ANO2: variants seen among roughly 807,000 people sequenced by gnomAD.
The protein encoded by ANO2 is anoctamin-2.
In ANO2, 101 loss-of-function variants were observed where a neutral mutation model predicts 124.2. The observed-to-expected ratio is 0.81, with a 90% CI of 0.69 to 0.96. The LOEUF (loss-of-function observed/expected upper bound fraction) is 0.96, where lower values mean the gene tolerates loss of function less well. Among genes scored for constraint, ANO2 ranks in the 40% least tolerant of loss-of-function variants. The probability of loss-of-function intolerance (pLI) is 0.00; values close to 1 mark genes in which losing one functional copy is unlikely to be tolerated. For synonymous variants in ANO2, 486 were observed against 482.5 expected, an observed-to-expected ratio of 1.01 and a Z score of -0.09; for missense variants, 1,293 against 1,274.5, an observed-to-expected ratio of 1.01 and a Z score of -0.22.
At position 5,636,175 on chromosome 12, in the gene ANO2, C is replaced by G. The variant is rs1432228612; in HGVS notation, c.1621-828G>C. Among the ~76,000 whole-genome samples, 3 of 152,108 alleles carry G rather than the reference C, an allele frequency of 2.0e-5. No individual in the cohort carries two copies. Among genetic ancestry groups the G allele is most frequent in the Non-Finnish European group, 1.5e-5 (1 of 68,018 alleles). On this transcript the variant is annotated intron_variant, in intron 15 of 24. Transcript: ENST00000682330. This position sits in a 1 kb window ranked among gnomAD's most constrained non-coding sequence, Gnocchi z 4.6. ...CCTCTAAGGGTTCCCCTCATTTCCTCTCTCTAGAACCTAAGAATAAGAAGG... is the reference window on the plus strand; with the variant it reads ...CCTCTAAGGGTTCCCCTCATTTCCTGTCTCTAGAACCTAAGAATAAGAAGG...
intron 3 of ANO2, among the ~76,000 whole-genome samples, chr12:5,883,334 C>T (rs1466188696): frequency 1.3e-5 from 2 of 152,278 alleles, no homozygotes; most frequent in Admixed American, 6.5e-5. Context: ...CTAGAGATGC[C>T]TTCTCATAAA....
intron 14 of ANO2, among the ~76,000 whole-genome samples, chr12:5,723,508 TC>T (rs1353867621): frequency 6.6e-6 from 1 of 150,386 alleles, no homozygotes; most frequent in African/African-American, 2.4e-5. Context: ...CTTCTCCTAC[TC>T]ACCCATTTCT....
chr12:5,926,129 C>T (rs534432819), intron 1 of ANO2, among the ~76,000 whole-genome samples: 4 of 152,360 alleles, frequency 2.6e-5, no homozygotes, highest in African/African-American at 4.8e-5. Context: ...AAACAGTCAA[C>T]GAGCTGGAAA....
intron 7 of ANO2, among the ~76,000 whole-genome samples, chr12:5,817,114 T>C (rs373350457): frequency 9.9e-5 from 15 of 152,220 alleles, no homozygotes; most frequent in African/African-American, 3.6e-4. Flanking sequence ...GCAGAGGGCG[T>C]CTAGTCTCTA....
At chr12:5,824,456 C>A (rs1193614655) in intron 7 of ANO2, among the ~76,000 whole-genome samples, 4 of 152,156 alleles carry the variant, frequency 2.6e-5, no homozygotes, top group Non-Finnish European at 4.4e-5. Flanking sequence ...AGTCTCTTTG[C>A]TAAAACATAA....
chr12:5,696,665 G>A (rs570907874), intron 14 of ANO2, among the ~76,000 whole-genome samples: 7 of 152,232 alleles, frequency 4.6e-5, no homozygotes, highest in African/African-American at 1.7e-4. Context: ...GACACAAAAT[G>A]TAAGAAAGAA....
rs551134017 is a variant in ANO2, at chr12:5,873,879, G to A, written c.535-19738C>T. ...CCCCTCCAGGGCTAGTGGCAGCCTC[G>A]CAGTCCTTTAGAGGAGCCTCTCAGC... On this transcript the variant is annotated intron_variant, in intron 3 of 24. Coordinates refer to ENST00000682330, the MANE Select transcript of ANO2 (RefSeq NM_001364791.2). 5.9e-5 allele frequency among the ~76,000 whole-genome samples: 9 copies of A among 152,330 alleles called. No individual in the cohort carries two copies. In the South Asian group the frequency reaches 6.2e-4, roughly 11 times the overall value.
chr12:5,832,708 T>C (rs531964603), intron 4 of ANO2, 105 bp from the exon 5 acceptor site: 28 of 1,284,112 alleles, frequency 2.2e-5, no homozygotes, highest in African/African-American at 3.0e-5. Flanking sequence ...GAGGTGAACA[T>C]TGGAGAGAGG....
chr12:5,777,789 C>T (rs907902608), intron 10 of ANO2, among the ~76,000 whole-genome samples: 3 of 152,142 alleles, frequency 2.0e-5, no homozygotes, highest in Non-Finnish European at 4.4e-5. Context: ...GCAGCAGCAC[C>T]CAGCCCTGTC....
chr12:5,773,348 T>G (rs564467520), intron 10 of ANO2, among the ~76,000 whole-genome samples: 6 of 152,144 alleles, frequency 3.9e-5, no homozygotes, highest in Non-Finnish European at 8.8e-5. Context: ...GTCAGGGGAG[T>G]TAGAAACTAC....
chr12:5,843,070 G>C (rs1308002681), intron 4 of ANO2, among the ~76,000 whole-genome samples: 1 of 152,126 alleles, frequency 6.6e-6, no homozygotes, highest in Non-Finnish European at 1.5e-5. Flanking sequence ...TAGAGAACAG[G>C]TAATGACAGC....
intron 1 of ANO2, among the ~76,000 whole-genome samples, chr12:5,943,777 A>C (rs949911688): frequency 6.6e-6 from 1 of 152,206 alleles, no homozygotes; most frequent in African/African-American, 2.4e-5. Flanking sequence ...CGTCATACAT[A>C]GGGTGGGATG....
rs181736653 is a variant in ANO2 at position 5,631,990 on chromosome 12, G to A, written c.1816+3162C>T. 1.1e-3 allele frequency among the ~76,000 whole-genome samples: 173 copies of A among 152,258 alleles called. 1 individual carries two copies. The Middle Eastern group carries it at 0.014, about 12-fold the overall frequency. On this transcript the variant is annotated intron_variant, in intron 16 of 24. Coordinates refer to ENST00000682330, the MANE Select transcript of ANO2 (RefSeq NM_001364791.2). ...AAAGAGGCTGAGGACAATGGCACAG[G>A]CGTTAGGCTGTGAAAACCATCCAGA...
intron 11 of ANO2, among the ~76,000 whole-genome samples, chr12:5,746,383 T>G (rs930330007): frequency 7.2e-5 from 11 of 152,122 alleles, no homozygotes; most frequent in South Asian, 4.1e-4. Flanking sequence ...TATTGGGGGG[T>G]TTTTGATGTA....
At chr12:5,644,602 G>C (rs1405891348) in intron 15 of ANO2, among the ~76,000 whole-genome samples, 2 of 152,044 alleles carry the variant, frequency 1.3e-5, no homozygotes, top group East Asian at 3.9e-4. Flanking sequence ...ATGAGAATTG[G>C]CATTATTATT....
chr12:5,682,747 A>C (rs1482667110), intron 14 of ANO2, among the ~76,000 whole-genome samples: 2 of 152,238 alleles, frequency 1.3e-5, no homozygotes, highest in African/African-American at 2.4e-5. Context: ...CTGCTGCTAC[A>C]TGTCTACCGC....
intron 10 of ANO2, among the ~76,000 whole-genome samples, chr12:5,798,116 G>A (rs1165877425): frequency 2.0e-5 from 3 of 151,944 alleles, no homozygotes; most frequent in African/African-American, 7.3e-5. Context: ...CGACAGAGTG[G>A]GTGGCCACTT....
intron 10 of ANO2, among the ~76,000 whole-genome samples, chr12:5,764,635 G>A (rs1205312601): frequency 1.3e-5 from 2 of 152,214 alleles, no homozygotes; most frequent in African/African-American, 4.8e-5. Context: ...TAATTGGACA[G>A]GACTACATAT....
rs997622565 is a variant in ANO2, at chr12:5,597,750, C to T, written c.2233+1734G>A. On this transcript the variant is annotated intron_variant, in intron 20 of 24. Transcript: ENST00000682330. The stretch of plus-strand genomic sequence containing the variant: ...TGTAGGCCCTTCCCCAAATGGAAGT[C>T]CCAATCTCTGGCAGCACTTTCTTTC... 5.9e-5 allele frequency among the ~76,000 whole-genome samples: 9 copies of T among 152,138 alleles called. No homozygotes were observed. In the South Asian group the frequency reaches 1.9e-3, roughly 32 times the overall value.
Sources: allele counts gnomAD v4.1 joint callset (sites outside exome capture counted in the v4.1 genomes callset), GRCh38; gene constraint gnomAD v4.1.1; non-coding constraint Gnocchi (gnomAD v3.1); transcripts MANE v1.5; gene names NCBI Gene and HGNC (gene_info 2026-07-23, HGNC 2026-07-21).